The following PAPOLG variants were observed in gnomAD, a reference collection of about 807,000 sequenced individuals.
PAPOLG encodes PAP-gamma.
PAPOLG carries 40 observed loss-of-function variants against 99.0 expected under a neutral mutation model. That is an observed-to-expected ratio of 0.40 (90% CI 0.31 to 0.53). The LOEUF is 0.53. PAPOLG is among the 20% of genes least tolerant of loss of function. The pLI, the probability that PAPOLG is intolerant of heterozygous loss-of-function variation, is 0.41. For missense variants in PAPOLG, 675 were observed against 884.1 expected, an observed-to-expected ratio of 0.76 and a Z score of 3.00; for synonymous variants, 310 against 299.3, an observed-to-expected ratio of 1.04 and a Z score of -0.37.
Position 60,770,488 on chromosome 2 carries a change from A to G in PAPOLG, c.469A>G (p.Lys157Glu). Reference protein sequence around the residue: ...AVEDAFVPVIKFEFDGIEIDL... With the variant: ...AVEDAFVPVIEFEFDGIEIDL... ...AGAAGATGCCTTTGTACCTGTTATA[A>G]AATTTGAATTTGATGGTATTGAAGT... is the stretch of plus-strand genomic sequence containing the variant. The change falls in exon 6 of 22, where the codon AAA (lysine) becomes GAA (glutamate). Residue 157 changes from lysine (K) to glutamate (E), a missense_variant. Lys to Glu is a moderately conservative substitution (Grantham distance 56). Transcript: ENST00000238714. 1 of 1,594,162 alleles carries G rather than the reference A, an allele frequency of 6.3e-7. No homozygotes were observed. The highest frequency in any genetic ancestry group is 8.6e-7 in the Non-Finnish European group (1 of 1,167,678).
At chr2:60,762,993 A>G (rs11686767) in intron 3 of PAPOLG, among the ~76,000 whole-genome samples, 71,803 of 149,280 alleles carry the variant, frequency 0.48, 17,842 homozygotes, top group Middle Eastern at 0.6. Flanking sequence ...CACCCAGGCT[A>G]TAGTGCAGTG....
At chr2:60,761,243 GT>G (rs1670513927) in intron 2 of PAPOLG, among the ~76,000 whole-genome samples, 2 of 152,288 alleles carry the variant, frequency 1.3e-5, no homozygotes, top group South Asian at 4.1e-4. Context: ...TCTTCTAAAT[GT>G]GGATTCATTT....
chr2:60,782,288 C>T (rs1035341070), intron 11 of PAPOLG, among the ~76,000 whole-genome samples: 1 of 151,958 alleles, frequency 6.6e-6, no homozygotes, highest in African/African-American at 2.4e-5. Flanking sequence ...TTTGGTGGGC[C>T]GGGCGCGATG....
chr2:60,776,466 C>T (rs1372815576), intron 8 of PAPOLG, among the ~76,000 whole-genome samples: 2 of 131,998 alleles, frequency 1.5e-5, no homozygotes, highest in African/African-American at 2.8e-5. Context: ...CTCACTGTCT[C>T]GCCCAGGCTG....
At chr2:60,790,934 C>T (rs1409255825) in intron 15 of PAPOLG, among the ~76,000 whole-genome samples, 1 of 151,594 alleles carries the variant, frequency 6.6e-6, no homozygotes, top group Admixed American at 6.6e-5. Flanking sequence ...ACAAAAAATC[C>T]AAAAAGTAGC....
intron 3 of PAPOLG, 36 bp from the exon 4 acceptor site, chr2:60,768,434 G>A: frequency 6.2e-7 from 1 of 1,604,906 alleles, no homozygotes; most frequent in Non-Finnish European, 8.5e-7. Context: ...TAAATAATTT[G>A]AATAATTGAA....
chr2:60,767,801 C>T (rs1048413634), intron 3 of PAPOLG, among the ~76,000 whole-genome samples: 1 of 152,160 alleles, frequency 6.6e-6, no homozygotes, highest in Non-Finnish European at 1.5e-5. Context: ...GAGGTGAAAG[C>T]ACATTAGTCT....
intron 15 of PAPOLG, chr2:60,791,360 G>C (rs1476750238): frequency 6.3e-6 from 1 of 159,220 alleles, no homozygotes; most frequent in East Asian, 1.8e-4. Flanking sequence ...AGACCAGCCT[G>C]ACCAACATGG....
intron 19 of PAPOLG, 72 bp from the exon 20 acceptor site, chr2:60,794,638 T>C: frequency 7.8e-7 from 1 of 1,284,142 alleles, no homozygotes; most frequent in South Asian, 1.3e-5. Flanking sequence ...TAACTAGTTT[T>C]CCAGTTTATA....
Position 60,799,527 on chromosome 2 carries a change from T to C in PAPOLG, c.*2367T>C, listed in dbSNP as rs1003683954. 1 of 152,400 alleles carries C rather than the reference T, an allele frequency of 6.6e-6. No individual in the cohort carries two copies. Among genetic ancestry groups the C allele is most frequent in the East Asian group, 1.9e-4 (1 of 5,342 alleles). 9.4% of individuals were successfully genotyped at this position (152,400 alleles called of 1,614,324 possible). Reference sequence around the variant, plus strand: ...TCGTTAACTTGGTGGGAAGCTTCCATTGTACTAGTTCCAAGTAAAAAAGGA... The same window carrying C: ...TCGTTAACTTGGTGGGAAGCTTCCACTGTACTAGTTCCAAGTAAAAAAGGA... On this transcript the variant is annotated 3_prime_UTR_variant, in exon 22 of 22. Coordinates refer to ENST00000238714, the MANE Select transcript of PAPOLG (RefSeq NM_022894.4).
chr2:60,756,303 G>T lies in PAPOLG; in HGVS notation c.-176G>T, dbSNP rs775724448. ...GCCGCGCTGTATTGTCATAAATAGA[G>T]CCGGTTTTGTGGTGTTTTCACTACT... is the stretch of plus-strand genomic sequence containing the variant. On this transcript the variant is annotated 5_prime_UTR_variant, in exon 1 of 22. Transcript: ENST00000238714. 2 of 746,900 alleles carry T rather than the reference G, an allele frequency of 2.7e-6. No individual in the cohort carries two copies. The highest frequency in any genetic ancestry group is 4.7e-6 in the Non-Finnish European group (2 of 430,084). The allele number at this position is 746,900 out of a possible 1,614,324, so 46.3% of individuals were successfully genotyped here. A position where few individuals can be genotyped will look rare whatever the true frequency, so the allele number is the denominator to read the frequency against.
rs1477711240 is a variant in PAPOLG, at chr2:60,756,373, A to G, written c.-106A>G. 8 of 1,445,474 alleles carry G rather than the reference A, an allele frequency of 5.5e-6. No individual in the cohort carries two copies. The highest frequency in any genetic ancestry group is 7.8e-6 in the Non-Finnish European group (8 of 1,028,158). 89.5% of individuals were successfully genotyped at this position (1,445,474 alleles called of 1,614,324 possible). A position where few individuals can be genotyped will look rare whatever the true frequency, so the allele number is the denominator to read the frequency against. ...TAGTAAGTGGGAAAGTGAGCGAGCA[A>G]GCGAGCTACTAGCGACCGGAGGAAA... is the stretch of plus-strand genomic sequence containing the variant. On this transcript the variant is annotated 5_prime_UTR_variant, in exon 1 of 22. Coordinates refer to ENST00000238714, the MANE Select transcript of PAPOLG (RefSeq NM_022894.4).
chr2:60,787,055 ACAT>A lies in PAPOLG; in HGVS notation c.1279_1281del (p.His427del). ...CCCAGTCATTCCCAGGGAATAAGGA[ACAT>A]CATAAAGAGTAAGTTAATTGTTTTA... On this transcript the variant is annotated inframe_deletion, in exon 14 of 22. Coordinates refer to ENST00000238714, the MANE Select transcript of PAPOLG (RefSeq NM_022894.4). The A allele has an allele frequency of 6.2e-7, 1 of 1,605,694 alleles. No homozygotes were observed. Among genetic ancestry groups the A allele is most frequent in the Non-Finnish European group, 8.5e-7 (1 of 1,175,384 alleles).
At chr2:60,768,994 G>A in intron 5 of PAPOLG, 104 bp downstream of exon 5, 1 of 844,604 alleles carries the variant, frequency 1.2e-6, no homozygotes, top group Non-Finnish European at 1.8e-6. Context: ...TTACTATTAG[G>A]AGGTATTTAA....
At chr2:60,792,564 C>T (rs7600065) in intron 17 of PAPOLG, among the ~76,000 whole-genome samples, 20,848 of 152,088 alleles carry the variant, frequency 0.14, 1,765 homozygotes, top group Middle Eastern at 0.2. Context: ...CATTTTTCCC[C>T]CTTTTAGTTC....
chr2:60,783,525 T>G, intron 13 of PAPOLG, among the ~76,000 whole-genome samples: 1 of 139,654 alleles, frequency 7.2e-6, no homozygotes. Context: ...TTTTTTTTTT[T>G]TTTGAGAAGG....
chr2:60,783,500 C>CTTTTTTTTTTTTTTT lies in PAPOLG; in HGVS notation c.1166+305_1166+319dup. ...ACAGGCCTGAGCCACTTTACCCGGC[C>CTTTTTTTTTTTTTTT]TTTTTTTTTTTTTTTTTTTTTTTTT... On this transcript the variant is annotated intron_variant, in intron 13 of 21. Coordinates refer to ENST00000238714, the MANE Select transcript of PAPOLG (RefSeq NM_022894.4). Among the ~76,000 whole-genome samples, 23 of 45,362 alleles carry CTTTTTTTTTTTTTTT rather than the reference C, an allele frequency of 5.1e-4. 6 individuals are homozygous for CTTTTTTTTTTTTTTT. Among genetic ancestry groups the CTTTTTTTTTTTTTTT allele is most frequent in the Middle Eastern group, 0.019 (1 of 52 alleles). 29.8% of individuals were successfully genotyped at this position (45,362 alleles called of 152,430 possible). A position where few individuals can be genotyped will look rare whatever the true frequency, so the allele number is the denominator to read the frequency against.
chr2:60,760,083 A>G lies in PAPOLG; in HGVS notation c.18-51A>G, dbSNP rs188401048. On this transcript the variant is annotated intron_variant, in intron 1 of 21. Transcript: ENST00000238714. ...AGATTGAGAGATTCAGTGTATCAGT[A>G]TGGTATATACTTTAAATTTTTTGTT... 9 of 1,541,230 alleles carry G rather than the reference A, an allele frequency of 5.8e-6. No individual in the cohort carries two copies. In the South Asian group the frequency reaches 7.0e-5, roughly 12 times the overall value.
rs747526129 is a variant in PAPOLG, at chr2:60,782,653, C to CTTTTTT, written c.1028-13_1028-8dup. The CTTTTTT allele has an allele frequency of 1.2e-3, 1,287 of 1,065,308 alleles. 1 individual carries two copies. The highest frequency in any genetic ancestry group is 4.4e-3 in the African/African-American group (164 of 37,684). The allele number at this position is 1,065,308 out of a possible 1,614,324, so 66.0% of individuals were successfully genotyped here. A position where few individuals can be genotyped will look rare whatever the true frequency, so the allele number is the denominator to read the frequency against. On this transcript the variant is annotated intron_variant, in intron 11 of 21. Transcript: ENST00000238714. ...GTCCCTTTTCAAAATCATTCTTCTT[C>CTTTTTT]TTTTTTTTTTTTTTTTTTTTTTTTT...
Sources: allele counts gnomAD v4.1 joint callset (sites outside exome capture counted in the v4.1 genomes callset), GRCh38; gene constraint gnomAD v4.1.1; transcripts MANE v1.5; gene names NCBI Gene and HGNC (gene_info 2026-07-23, HGNC 2026-07-21).